TBC1D8: variants seen among roughly 807,000 people sequenced by gnomAD.
TBC1D8 encodes the protein TBC1 domain family member 8.
In TBC1D8, 65 loss-of-function variants were observed where a neutral mutation model predicts 118.8. The observed-to-expected ratio is 0.55, with a 90% CI of 0.45 to 0.67. The LOEUF (loss-of-function observed/expected upper bound fraction) is 0.67. Among genes scored for constraint, TBC1D8 ranks in the 30% least tolerant of loss-of-function variants. The pLI is 0.00. For synonymous variants in TBC1D8, 566 were observed against 595.8 expected (o/e 0.95, Z 0.73); for missense variants, 1,376 against 1,471.2 (o/e 0.94, Z 1.06).
chr2:101,075,539 C>G (rs1410218010), intron 2 of TBC1D8, among the ~76,000 whole-genome samples: 1 of 152,112 alleles, frequency 6.6e-6, no homozygotes, highest in African/African-American at 2.4e-5. Context: ...ATCATGAGGG[C>G]AGTTTCCCAC....
intron 10 of TBC1D8, chr2:101,033,091 A>G (rs903589321): frequency 1.7e-5 from 5 of 289,008 alleles, no homozygotes; most frequent in African/African-American, 1.1e-4. Context: ...ACCACTACAC[A>G]TGCACGTTTC....
At position 101,040,345 on chromosome 2, in the gene TBC1D8, A is replaced by C; in HGVS notation, c.913T>G (p.Phe305Val). The change falls in exon 6 of 20, where the codon TTC becomes GTC. Residue 305 changes from phenylalanine (F) to valine (V), a missense_variant. By Grantham distance (50) the Phe-to-Val change is conservative (BLOSUM62 -1). Transcript: ENST00000409318. ...TTCTCCTTCCTCGGCAACCTGAAGA[A>C]AGCCCGGAAGAACTCATTCTGTGCT... The part of the protein sequence containing the change: ...ARAQNEFFRA[F>V]FRLPRKEKLH... The C allele has an allele frequency of 6.2e-7, 1 of 1,611,370 alleles. No individual in the cohort carries two copies. The highest frequency in any genetic ancestry group is 8.5e-7 in the Non-Finnish European group (1 of 1,178,526).
Position 101,138,744 on chromosome 2 carries a change from T to C in TBC1D8, c.127+12383A>G, listed in dbSNP as rs144062725. On this transcript the variant is annotated intron_variant, in intron 1 of 19. Coordinates refer to ENST00000409318, the MANE Select transcript of TBC1D8 (RefSeq NM_001330348.2). The stretch of plus-strand genomic sequence containing the variant: ...CCCTCTCTGGGTGGGCTACCCTCCA[T>C]GTGTTCAACAGCCCTGGAGCTCCCC... Among the ~76,000 whole-genome samples the C allele has an allele frequency of 1.2e-3, 181 of 152,232 alleles. 1 individual carries two copies. The East Asian group carries it at 0.032, about 27-fold the overall frequency.
At chr2:101,145,793 G>A (rs544263121) in intron 1 of TBC1D8, among the ~76,000 whole-genome samples, 31 of 152,262 alleles carry the variant, frequency 2.0e-4, no homozygotes, top group African/African-American at 6.0e-4. Context: ...GAGAGGAGCC[G>A]TGTGCCCAAA....
intron 1 of TBC1D8, among the ~76,000 whole-genome samples, chr2:101,128,540 C>CA (rs901898668): frequency 6.6e-6 from 1 of 152,152 alleles, no homozygotes; most frequent in African/African-American, 2.4e-5. Context: ...AGGATTGTCT[C>CA]AAAAAACTTA....
intron 19 of TBC1D8, among the ~76,000 whole-genome samples, chr2:101,009,059 C>CA (rs1232279818): frequency 6.6e-6 from 1 of 152,092 alleles, no homozygotes; most frequent in Non-Finnish European, 1.5e-5. Flanking sequence ...ACAGGTGCTT[C>CA]AGGTGGAATC....
chr2:101,061,929 C>T (rs967098488), intron 2 of TBC1D8, among the ~76,000 whole-genome samples: 1 of 152,232 alleles, frequency 6.6e-6, no homozygotes, highest in African/African-American at 2.4e-5. Flanking sequence ...TTGAAGCTTC[C>T]GACCTTTCCC....
chr2:101,028,717 A>C (rs1680498724), intron 12 of TBC1D8, among the ~76,000 whole-genome samples: 1 of 152,198 alleles, frequency 6.6e-6, no homozygotes, highest in African/African-American at 2.4e-5. Context: ...ATGCTCTGAA[A>C]GAGAACCCCC....
At chr2:101,063,161 C>T (rs1034057242) in intron 2 of TBC1D8, among the ~76,000 whole-genome samples, 7 of 152,088 alleles carry the variant, frequency 4.6e-5, no homozygotes, top group Admixed American at 3.9e-4. Flanking sequence ...ACCAGCTAAC[C>T]GCATGCGTCT....
intron 9 of TBC1D8, among the ~76,000 whole-genome samples, chr2:101,035,692 T>C (rs566419563): frequency 1.3e-4 from 20 of 152,304 alleles, no homozygotes; most frequent in Non-Finnish European, 2.5e-4. Context: ...TCACACACTA[T>C]AGACACTTCA....
At chr2:101,031,085 T>C (rs997764217) in intron 11 of TBC1D8, among the ~76,000 whole-genome samples, 1 of 152,162 alleles carries the variant, frequency 6.6e-6, no homozygotes, top group Non-Finnish European at 1.5e-5. Context: ...TCACAGAAGG[T>C]CTAGCTGGCA....
chr2:101,050,364 G>A (rs779873108), intron 5 of TBC1D8, 37 bp downstream of exon 5: 10 of 1,595,998 alleles, frequency 6.3e-6, no homozygotes, highest in Admixed American at 3.4e-5. Flanking sequence ...TGGGTCCCCC[G>A]TGCGGGTGGG....
intron 1 of TBC1D8, among the ~76,000 whole-genome samples, chr2:101,129,304 C>T (rs1678484675): frequency 1.3e-5 from 2 of 152,098 alleles, no homozygotes; most frequent in Admixed American, 1.3e-4. Flanking sequence ...CCACACCTGG[C>T]TAATGTTTTT....
chr2:101,114,576 T>C (rs1244349301), intron 1 of TBC1D8, among the ~76,000 whole-genome samples: 5 of 152,204 alleles, frequency 3.3e-5, no homozygotes, highest in Non-Finnish European at 5.9e-5. Flanking sequence ...CTTCAGTAAT[T>C]TGCAACACAA....
chr2:101,033,336 A>G, intron 10 of TBC1D8: 1 of 679,124 alleles, frequency 1.5e-6, no homozygotes, highest in South Asian at 1.6e-5. Flanking sequence ...GATGGTCTCG[A>G]TCTCCTGACC....
At chr2:101,013,914 T>A (rs982668634) in intron 17 of TBC1D8, among the ~76,000 whole-genome samples, 5 of 152,214 alleles carry the variant, frequency 3.3e-5, no homozygotes, top group African/African-American at 1.2e-4. Context: ...TCCATAGTGG[T>A]TGGAAACAGC....
chr2:101,037,499 T>C, intron 8 of TBC1D8, 33 bp downstream of exon 8: 2 of 1,606,024 alleles, frequency 1.2e-6, no homozygotes, highest in Non-Finnish European at 1.7e-6. Flanking sequence ...GGCTCAGCTT[T>C]GTGGTCCAGC....
chr2:101,031,608 TAC>T (rs1680674219), intron 11 of TBC1D8, among the ~76,000 whole-genome samples: 1 of 152,184 alleles, frequency 6.6e-6, no homozygotes, highest in African/African-American at 2.4e-5. Context: ...GTTGCTGGAC[TAC>T]AGAGACAGCA....
At chr2:101,055,230 A>T (rs938298816) in intron 3 of TBC1D8, among the ~76,000 whole-genome samples, 1 of 151,724 alleles carries the variant, frequency 6.6e-6, no homozygotes, top group Non-Finnish European at 1.5e-5. Flanking sequence ...TCTCTACTAA[A>T]AAATACAAAA....
Sources: gnomAD v4.1 joint callset for allele counts (sites outside exome capture counted in the v4.1 genomes callset) on GRCh38, gnomAD v4.1.1 for gene constraint, MANE v1.5 for transcripts, NCBI Gene and HGNC (gene_info 2026-07-23, HGNC 2026-07-21) for gene names.